Variants in PDPR observed in about 807,000 individuals in gnomAD.
The protein encoded by PDPR is pyruvate dehydrogenase phosphatase regulatory subunit, also known as pyruvate dehydrogenase phosphatase regulatory subunit, mitochondrial.
PDPR carries 50 observed loss-of-function variants against 102.2 expected under a neutral mutation model. The observed-to-expected ratio is 0.49, with a 90% CI of 0.39 to 0.62. The LOEUF (loss-of-function observed/expected upper bound fraction) is 0.62. Among genes scored for constraint, PDPR ranks in the 20% least tolerant of loss-of-function variants. The pLI is 0.00. For synonymous variants in PDPR, 259 were observed against 406.0 expected (o/e 0.64, Z 4.35); for missense variants, 625 against 1,098.2 (o/e 0.57, Z 6.09).
rs1200006118 is a variant in PDPR, at chr16:70,114,829, G to A, written c.-134G>A. ...GTCCTCCATCCCTGCAGATGGAACT[G>A]TTTTCCCGCGTTGAGACGTGCGGTC... On this transcript the variant is annotated 5_prime_UTR_variant, in exon 2 of 19. Coordinates refer to ENST00000288050, the MANE Select transcript of PDPR (RefSeq NM_017990.5). The A allele has an allele frequency of 1.3e-5, 2 of 152,288 alleles. No homozygotes were observed. Among genetic ancestry groups the A allele is most frequent in the African/African-American group, 4.8e-5 (2 of 41,468 alleles). 9.4% of individuals were successfully genotyped at this position (152,288 alleles called of 1,614,324 possible). A position where few individuals can be genotyped will look rare whatever the true frequency, so the allele number is the denominator to read the frequency against.
intron 3 of PDPR, among the ~76,000 whole-genome samples, chr16:70,125,085 A>T (rs550843753): frequency 1.1e-4 from 17 of 152,304 alleles, no homozygotes; most frequent in African/African-American, 3.8e-4. Context: ...AATTGAAAAT[A>T]TGTAAAAGAA....
chr16:70,155,576 G>C (rs1219708530), intron 18 of PDPR, among the ~76,000 whole-genome samples: 1 of 152,232 alleles, frequency 6.6e-6, no homozygotes, highest in African/African-American at 2.4e-5. Context: ...TTTTAGTAGA[G>C]ATGGGGTTTC....
chr16:70,144,043 C>T (rs2152108126), intron 14 of PDPR, among the ~76,000 whole-genome samples: 1 of 152,304 alleles, frequency 6.6e-6, no homozygotes, highest in South Asian at 2.1e-4. Context: ...AGGTACACGC[C>T]ACCACACCCA....
intron 9 of PDPR, among the ~76,000 whole-genome samples, chr16:70,134,729 T>C (rs1158699642): frequency 2.7e-5 from 4 of 149,898 alleles, no homozygotes; most frequent in African/African-American, 9.9e-5. Context: ...GAGGCTGCAG[T>C]GGGCTGAGAT....
At chr16:70,156,221 T>A in intron 18 of PDPR, 1 of 539,960 alleles carries the variant, frequency 1.9e-6, no homozygotes, top group Non-Finnish European at 3.2e-6. Context: ...TCTGGTCTTG[T>A]GACTTTATGT....
chr16:70,162,356 G>C lies in PDPR; in HGVS notation c.*5477G>C, dbSNP rs1967870461. ...CCCTGAAGACATCCGAGGCACTTCA[G>C]TAAGTGGGATCTTTTCTAGAGATCC... On this transcript the variant is annotated 3_prime_UTR_variant, in exon 19 of 19. Coordinates refer to ENST00000288050, the MANE Select transcript of PDPR (RefSeq NM_017990.5). 1.3e-5 allele frequency: 2 copies of C among 152,596 alleles called. No homozygotes were observed. Among genetic ancestry groups the C allele is most frequent in the African/African-American group, 4.8e-5 (2 of 41,484 alleles). 9.5% of individuals were successfully genotyped at this position (152,596 alleles called of 1,614,324 possible). A position where few individuals can be genotyped will look rare whatever the true frequency, so the allele number is the denominator to read the frequency against.
chr16:70,121,763 TC>T (rs1277541776), intron 3 of PDPR, among the ~76,000 whole-genome samples: 2 of 151,734 alleles, frequency 1.3e-5, no homozygotes, highest in Non-Finnish European at 2.9e-5. Context: ...GTTTTCTTAT[TC>T]CCTTTTTTTT....
intron 3 of PDPR, among the ~76,000 whole-genome samples, chr16:70,126,872 T>G (rs542123259): frequency 3.7e-4 from 57 of 152,324 alleles, no homozygotes; most frequent in Non-Finnish European, 6.0e-4. Context: ...TGAACATTTT[T>G]CTCACCCTGT....
intron 3 of PDPR, among the ~76,000 whole-genome samples, chr16:70,122,854 T>TACACACACACGCACACACACAC (rs1555520798): frequency 4.8e-5 from 7 of 145,614 alleles, no homozygotes; most frequent in Non-Finnish European, 1.1e-4. Context: ...TATACACACA[T>TACACACACACGCACACACACAC]ACACACACAC....
At chr16:70,126,318 C>T (rs1229758210) in intron 3 of PDPR, among the ~76,000 whole-genome samples, 1 of 152,260 alleles carries the variant, frequency 6.6e-6, no homozygotes, top group African/African-American at 2.4e-5. Context: ...ATCAAGGGAT[C>T]TTCTTGCCTC....
intron 2 of PDPR, chr16:70,120,249 A>C (rs542006632): frequency 6.9e-6 from 3 of 434,232 alleles, no homozygotes; most frequent in African/African-American, 6.1e-5. Context: ...ACGGGGTTTC[A>C]CTGTGTTAGC....
At chr16:70,127,950 G>C (rs1413749335) in intron 4 of PDPR, among the ~76,000 whole-genome samples, 2 of 151,380 alleles carry the variant, frequency 1.3e-5, no homozygotes, top group African/African-American at 4.9e-5. Flanking sequence ...GCCTGGCGTG[G>C]CTGATGCTGC....
intron 10 of PDPR, among the ~76,000 whole-genome samples, chr16:70,138,566 C>T (rs1965402395): frequency 6.6e-6 from 1 of 152,132 alleles, no homozygotes; most frequent in African/African-American, 2.4e-5. Context: ...GTTGCCCAGG[C>T]TGGTCTCAAA....
At chr16:70,141,093 G>A (rs1288198290) in intron 11 of PDPR, among the ~76,000 whole-genome samples, 1 of 151,994 alleles carries the variant, frequency 6.6e-6, no homozygotes, top group African/African-American at 2.4e-5. Flanking sequence ...TTGCTCTATT[G>A]CCCAGGCTGG....
chr16:70,135,560 T>C (rs2152089911), intron 9 of PDPR, among the ~76,000 whole-genome samples: 1 of 152,394 alleles, frequency 6.6e-6, no homozygotes, highest in Admixed American at 6.5e-5. Context: ...TTTATTAAAA[T>C]CTCTGTGGCC....
rs1317109202 is a variant in PDPR at position 70,158,695 on chromosome 16, G to A, written c.*1816G>A. The A allele has an allele frequency of 6.5e-6, 1 of 153,192 alleles. No individual in the cohort carries two copies. The highest frequency in any genetic ancestry group is 1.5e-5 in the Non-Finnish European group (1 of 68,770). The allele number at this position is 153,192 out of a possible 1,614,324, so 9.5% of individuals were successfully genotyped here. ...CTGCCTCTAGGCAGAGAGGAGGAGAGGTGTTGCCGGCTGGAGGGCCAACCA... is the reference window on the plus strand; with the variant it reads ...CTGCCTCTAGGCAGAGAGGAGGAGAAGTGTTGCCGGCTGGAGGGCCAACCA... On this transcript the variant is annotated 3_prime_UTR_variant, in exon 19 of 19. Coordinates refer to ENST00000288050, the MANE Select transcript of PDPR (RefSeq NM_017990.5).
intron 2 of PDPR, among the ~76,000 whole-genome samples, chr16:70,115,331 C>T (rs543864676): frequency 6.6e-6 from 1 of 152,216 alleles, no homozygotes; most frequent in South Asian, 2.1e-4. Context: ...ACTATGTTGG[C>T]CAGGCTGGTC....
intron 3 of PDPR, among the ~76,000 whole-genome samples, chr16:70,125,997 T>C (rs1353637917): frequency 6.6e-6 from 1 of 152,278 alleles, no homozygotes; most frequent in African/African-American, 2.4e-5. Context: ...AGTTATATTC[T>C]CTACTTCTAT....
chr16:70,152,143 C>T (rs1167689013), intron 17 of PDPR, among the ~76,000 whole-genome samples: 1 of 152,232 alleles, frequency 6.6e-6, no homozygotes, highest in Non-Finnish European at 1.5e-5. Context: ...CCTGCACCCA[C>T]CTTGGCTGAT....
Sources: gnomAD v4.1 joint callset for allele counts (sites outside exome capture counted in the v4.1 genomes callset) on GRCh38, gnomAD v4.1.1 for gene constraint, MANE v1.5 for transcripts, NCBI Gene and HGNC (gene_info 2026-07-23, HGNC 2026-07-21) for gene names.